Variants in NSG1 observed in about 807,000 individuals in gnomAD.
NSG1 encodes the protein neuronal vesicle trafficking-associated protein 1.
NSG1 carries 9 observed loss-of-function variants against 19.3 expected under a neutral mutation model. The observed-to-expected ratio is 0.47, with a 90% CI of 0.28 to 0.81. The LOEUF is 0.81. Among genes scored for constraint, NSG1 ranks in the 40% least tolerant of loss-of-function variants. The probability of loss-of-function intolerance (pLI) is 0.11; values close to 1 mark genes in which losing one functional copy is unlikely to be tolerated. For missense variants in NSG1, 236 were observed against 242.4 expected (o/e 0.97, Z 0.18); for synonymous variants, 104 against 107.0 (o/e 0.97, Z 0.17).
chr4:4,400,965 T>C (rs2108738055), intron 3 of NSG1, among the ~76,000 whole-genome samples: 1 of 152,360 alleles, frequency 6.6e-6, no homozygotes, highest in Middle Eastern at 3.4e-3. Flanking sequence ...ATTCTAAGGA[T>C]TTGTGGTTTC....
At chr4:4,415,296 A>G (rs1005936345) in intron 4 of NSG1, among the ~76,000 whole-genome samples, 6 of 152,164 alleles carry the variant, frequency 3.9e-5, no homozygotes, top group African/African-American at 1.2e-4. Flanking sequence ...CGTGCCCCAC[A>G]AGACAGGTCC....
intron 3 of NSG1, among the ~76,000 whole-genome samples, chr4:4,399,876 C>T (rs1351010942): frequency 1.3e-5 from 2 of 152,196 alleles, no homozygotes; most frequent in Admixed American, 6.5e-5. Context: ...CAATAGGGTT[C>T]ATGCTCCTAT....
In NSG1 at chr4:4,409,688, A is replaced by G. The variant is rs1724065799; in HGVS notation, c.357+5A>G. 1 of 1,611,006 alleles carries G rather than the reference A, an allele frequency of 6.2e-7. No homozygotes were observed. The highest frequency in any genetic ancestry group is 8.5e-7 in the Non-Finnish European group (1 of 1,177,254). On this transcript the variant is annotated splice_donor_5th_base_variant and intron_variant, in intron 4 of 4. Transcript: ENST00000621129. Reference sequence around the variant, plus strand: ...CCCGATGGGTTCGTCCTCAAGGTAAAACTCCGTTTTCCCCCAGAGGCCCTG... The same window carrying G: ...CCCGATGGGTTCGTCCTCAAGGTAAGACTCCGTTTTCCCCCAGAGGCCCTG...
At position 4,417,740 on chromosome 4, in the gene NSG1, G is replaced by T; in HGVS notation, c.*305G>T. 1 of 393,436 alleles carries T rather than the reference G, an allele frequency of 2.5e-6. No homozygotes were observed. Among genetic ancestry groups the T allele is most frequent in the South Asian group, 2.4e-5 (1 of 41,470 alleles). 24.4% of individuals were successfully genotyped at this position (393,436 alleles called of 1,614,324 possible). ...ATAAATTTACACTGGATATGCGAAG[G>T]GTTTGGATCTCAGATAAATGCATTT... On this transcript the variant is annotated 3_prime_UTR_variant, in exon 5 of 5. Coordinates refer to ENST00000621129, the MANE Select transcript of NSG1 (RefSeq NM_014392.5).
intron 3 of NSG1, among the ~76,000 whole-genome samples, chr4:4,394,998 G>A (rs1012858931): frequency 6.6e-6 from 1 of 152,218 alleles, no homozygotes; most frequent in Non-Finnish European, 1.5e-5. Context: ...CTGGGCAGCC[G>A]GCTCTAGAAG....
chr4:4,400,721 C>T (rs1049401563), intron 3 of NSG1, among the ~76,000 whole-genome samples: 2 of 152,156 alleles, frequency 1.3e-5, no homozygotes, highest in Non-Finnish European at 2.9e-5. Context: ...GACTTTGTCA[C>T]CAATGCATAC....
intron 4 of NSG1, among the ~76,000 whole-genome samples, chr4:4,412,430 A>G: frequency 6.6e-6 from 1 of 151,530 alleles, no homozygotes. Context: ...GAGTCCCCTG[A>G]TAAGTTGTTC....
At chr4:4,409,994 A>T (rs1373444648) in intron 4 of NSG1, among the ~76,000 whole-genome samples, 2 of 152,210 alleles carry the variant, frequency 1.3e-5, no homozygotes, top group Non-Finnish European at 2.9e-5. Context: ...AATGCCCAGG[A>T]TGATACCTAC....
chr4:4,413,757 A>G (rs1724359314), intron 4 of NSG1, among the ~76,000 whole-genome samples: 1 of 151,392 alleles, frequency 6.6e-6, no homozygotes, highest in Non-Finnish European at 1.5e-5. Context: ...TCACCTGGGG[A>G]GGCTGGAGAT....
chr4:4,392,932 G>A (rs1029464827), intron 3 of NSG1, among the ~76,000 whole-genome samples: 46 of 152,232 alleles, frequency 3.0e-4, no homozygotes, highest in African/African-American at 9.4e-4. Flanking sequence ...CCCATCGTAC[G>A]TTTTTGAGGT....
At chr4:4,409,478 A>C in intron 3 of NSG1, 95 bp from the exon 4 acceptor site, 1 of 902,864 alleles carries the variant, frequency 1.1e-6, no homozygotes, top group Non-Finnish European at 1.8e-6. Context: ...TAGTCTCTGC[A>C]CATGCTGTGT....
intron 3 of NSG1, among the ~76,000 whole-genome samples, chr4:4,402,931 C>A (rs1723645916): frequency 6.6e-6 from 1 of 152,238 alleles, no homozygotes; most frequent in Non-Finnish European, 1.5e-5. Flanking sequence ...CTGCTTCCTT[C>A]CCAGGCGAGA....
chr4:4,387,561 C>CCGGGGGGGGTGGGG, intron 1 of NSG1, 43 bp from the exon 2 acceptor site: 2 of 1,141,986 alleles, frequency 1.8e-6, no homozygotes, highest in Non-Finnish European at 2.5e-6. Context: ...CGCCCCGCCC[C>CCGGGGGGGGTGGGG]GGGTCTTGCT....
chr4:4,416,286 C>T (rs572567332), intron 4 of NSG1: 186 of 693,876 alleles, frequency 2.7e-4, no homozygotes, highest in East Asian at 1.3e-3. Context: ...ACACTGGATG[C>T]GGGGCAGTGT....
chr4:4,404,306 G>T (rs1310035767), intron 3 of NSG1, among the ~76,000 whole-genome samples: 1 of 152,190 alleles, frequency 6.6e-6, no homozygotes, highest in African/African-American at 2.4e-5. Context: ...TGGGAGTGGG[G>T]CTCCCATAGG....
At chr4:4,401,598 T>C (rs942215548) in intron 3 of NSG1, among the ~76,000 whole-genome samples, 1 of 152,144 alleles carries the variant, frequency 6.6e-6, no homozygotes, top group African/African-American at 2.4e-5. Context: ...GCTGGCTCTT[T>C]AGCAGTTCTC....
intron 3 of NSG1, among the ~76,000 whole-genome samples, chr4:4,394,222 G>A (rs13150212): frequency 0.58 from 88,057 of 151,938 alleles, 26,765 homozygotes; most frequent in Admixed American, 0.67. Context: ...TCGCTGTTGA[G>A]CCATTCCACT....
At chr4:4,394,562 C>G (rs1723158529) in intron 3 of NSG1, among the ~76,000 whole-genome samples, 2 of 152,024 alleles carry the variant, frequency 1.3e-5, no homozygotes, top group Admixed American at 1.3e-4. Context: ...AACTGGTGAC[C>G]CGAGGAGGGG....
At chr4:4,387,791 G>T in intron 2 of NSG1, 33 bp downstream of exon 2, 1 of 1,557,938 alleles carries the variant, frequency 6.4e-7, no homozygotes, top group East Asian at 2.3e-5. Context: ...ACGTTGCCGG[G>T]TGTGCACCCC....
Sources: gnomAD v4.1 joint callset for allele counts (sites outside exome capture counted in the v4.1 genomes callset) on GRCh38, gnomAD v4.1.1 for gene constraint, MANE v1.5 for transcripts, NCBI Gene and HGNC (gene_info 2026-07-23, HGNC 2026-07-21) for gene names.